Variants in MYO16 observed in about 807,000 individuals in gnomAD.
MYO16 encodes the protein myosin XVI.
A neutral mutation model predicts 205.3 loss-of-function variants in MYO16; 94 were observed. The observed-to-expected ratio is 0.46, with a 90% CI of 0.39 to 0.54. MYO16 has a LOEUF of 0.54. MYO16 is among the 20% of genes least tolerant of loss of function. The probability of loss-of-function intolerance (pLI) is 0.00; values close to 1 mark genes in which losing one functional copy is unlikely to be tolerated. For synonymous variants in MYO16, 988 were observed against 954.0 expected (o/e 1.04, Z -0.66); for missense variants, 2,315 against 2,387.5 (o/e 0.97, Z 0.63).
chr13:108,503,771 A>T, the MYO16 span, among the ~76,000 whole-genome samples: 4 of 152,290 alleles, frequency 2.6e-5, no homozygotes, highest in South Asian at 8.3e-4. Flanking sequence ...CATCACAAAT[A>T]CTTTTTAAAC....
chr13:108,658,999 T>G (rs912076437), intron 1 of MYO16, among the ~76,000 whole-genome samples: 1 of 151,968 alleles, frequency 6.6e-6, no homozygotes, highest in Admixed American at 6.6e-5. Flanking sequence ...CACAGGAAGA[T>G]TTTTATTCTA....
In MYO16 at chr13:109,023,946, T is replaced by C. The variant is rs958222932; in HGVS notation, c.2796+4035T>C. Among the ~76,000 whole-genome samples the C allele has an allele frequency of 1.5e-4, 21 of 141,600 alleles. No homozygotes were observed. In the East Asian group the frequency reaches 3.7e-3, roughly 25 times the overall value. 92.9% of individuals were successfully genotyped at this position (141,600 alleles called of 152,430 possible). A position where few individuals can be genotyped will look rare whatever the true frequency, so the allele number is the denominator to read the frequency against. On this transcript the variant is annotated intron_variant, in intron 23 of 34. Coordinates refer to ENST00000457511, the MANE Select transcript of MYO16 (RefSeq NM_001198950.3). ...TACATAAATATAAAATATGAATATATGTATATAAATATATACTATATATTT... is the reference window on the plus strand; with the variant it reads ...TACATAAATATAAAATATGAATATACGTATATAAATATATACTATATATTT...
chr13:108,853,871 G>C (rs989445921), intron 10 of MYO16, among the ~76,000 whole-genome samples: 2 of 151,692 alleles, frequency 1.3e-5, no homozygotes, highest in African/African-American at 4.8e-5. Context: ...AAAGCTTGCT[G>C]CCTGCCACCA....
the MYO16 span, among the ~76,000 whole-genome samples, chr13:108,528,442 T>C: frequency 2.6e-5 from 4 of 152,258 alleles, no homozygotes; most frequent in East Asian, 5.8e-4. Flanking sequence ...CTATCTGTTC[T>C]AAGTTAATAT....
At chr13:109,104,811 C>T (rs185797855) in intron 28 of MYO16, among the ~76,000 whole-genome samples, 23 of 152,256 alleles carry the variant, frequency 1.5e-4, no homozygotes, top group Admixed American at 1.4e-3. Flanking sequence ...CCGAGTTTTG[C>T]TCACGTGCCA....
At chr13:108,799,471 G>A (rs1886903756) in intron 6 of MYO16, among the ~76,000 whole-genome samples, 1 of 152,112 alleles carries the variant, frequency 6.6e-6, no homozygotes, top group South Asian at 2.1e-4. Context: ...TTTTAAGGTG[G>A]CATTGACCAT....
chr13:109,143,315 C>T (rs1460955151), intron 32 of MYO16, among the ~76,000 whole-genome samples: 3 of 152,122 alleles, frequency 2.0e-5, no homozygotes, highest in African/African-American at 7.2e-5. Flanking sequence ...ATAACCTTCT[C>T]CCTATTTATT....
intron 22 of MYO16, among the ~76,000 whole-genome samples, chr13:109,013,046 T>G (rs1429335201): frequency 6.6e-6 from 1 of 150,994 alleles, no homozygotes; most frequent in East Asian, 2.0e-4. Flanking sequence ...ACATGTGCCG[T>G]GTTGGTTTGC....
At chr13:108,882,931 C>T (rs1594367471) in intron 12 of MYO16, 128 bp from the exon 13 acceptor site, 7 of 1,294,944 alleles carry the variant, frequency 5.4e-6, no homozygotes, top group Non-Finnish European at 7.4e-6. Flanking sequence ...TTTTTACATA[C>T]CAATGAGATT....
chr13:108,964,958 G>A lies in MYO16; in HGVS notation c.2369+56G>A, dbSNP rs904651669. The A allele has an allele frequency of 2.3e-5, 36 of 1,556,580 alleles. No individual in the cohort carries two copies. In the Admixed American group the frequency reaches 6.6e-4, roughly 29 times the overall value. ...TCATTACTGTAATAAATAACTTAAAGGCTCAACTCCAAAAGCAGCTTCATA... is the reference window on the plus strand; with the variant it reads ...TCATTACTGTAATAAATAACTTAAAAGCTCAACTCCAAAAGCAGCTTCATA... On this transcript the variant is annotated intron_variant, in intron 20 of 34. Transcript: ENST00000457511.
chr13:109,081,116 T>C lies in MYO16; in HGVS notation c.3336-19669T>C, dbSNP rs533276506. 3.3e-5 allele frequency among the ~76,000 whole-genome samples: 5 copies of C among 152,330 alleles called. No individual in the cohort carries two copies. In the South Asian group the frequency reaches 8.3e-4, roughly 25 times the overall value. On this transcript the variant is annotated intron_variant, in intron 27 of 34. Transcript: ENST00000457511. ...CATAGACATATATATGTGAGTCTTA[T>C]ACATTCTGTCCTCAGAATTCTCATA...
intron 28 of MYO16, among the ~76,000 whole-genome samples, chr13:109,108,714 G>A (rs1889196143): frequency 1.3e-5 from 2 of 152,212 alleles, no homozygotes; most frequent in African/African-American, 4.8e-5. Context: ...GTGAACTGGA[G>A]GGTTCCTGAC....
intron 23 of MYO16, among the ~76,000 whole-genome samples, chr13:109,033,682 C>T (rs1022694488): frequency 6.6e-6 from 1 of 152,126 alleles, no homozygotes; most frequent in South Asian, 2.1e-4. Flanking sequence ...ACAAGGGATG[C>T]TGAAGTGATC....
chr13:108,918,710 G>A (rs952467016), intron 16 of MYO16, among the ~76,000 whole-genome samples: 3 of 152,166 alleles, frequency 2.0e-5, no homozygotes, highest in African/African-American at 7.2e-5. Flanking sequence ...AGGCCGAGGC[G>A]GGCAGATCAC....
At chr13:108,565,546 A>G in the MYO16 span, among the ~76,000 whole-genome samples, 1 of 152,094 alleles carries the variant, frequency 6.6e-6, no homozygotes, top group Non-Finnish European at 1.5e-5. Flanking sequence ...TCTTTACTGA[A>G]TTTGTTTATC....
intron 16 of MYO16, among the ~76,000 whole-genome samples, chr13:108,913,746 G>C (rs1428425420): frequency 1.3e-5 from 2 of 152,110 alleles, no homozygotes; most frequent in South Asian, 2.1e-4. Flanking sequence ...CCTTGTGGAC[G>C]AACTATAACC....
At chr13:109,111,053 T>C (rs893458926) in intron 28 of MYO16, among the ~76,000 whole-genome samples, 5 of 152,102 alleles carry the variant, frequency 3.3e-5, no homozygotes, top group African/African-American at 1.2e-4. Context: ...GATGAACAAA[T>C]GTGAGAAAAG....
At chr13:109,096,666 G>T (rs925359748) in intron 27 of MYO16, among the ~76,000 whole-genome samples, 2 of 152,130 alleles carry the variant, frequency 1.3e-5, no homozygotes, top group Admixed American at 1.3e-4. Flanking sequence ...CCCATTTCTT[G>T]GCTATCAGTT....
At position 108,888,447 on chromosome 13, in the gene MYO16, C is replaced by T; in HGVS notation, c.1629C>T (p.Ser543=). Reference sequence around the variant, plus strand: ...ACCTCACCTGCAGGGCTGGCGCCAGCAGGGCCACACTGGATTCCAGATTCA... The same window carrying T: ...ACCTCACCTGCAGGGCTGGCGCCAGTAGGGCCACACTGGATTCCAGATTCA... ...IRHLTCRAGA[S]RATLDSRFKH... The change falls in exon 14 of 35, where the codon AGC becomes AGT. Residue 543 remains serine (S), a synonymous_variant. Coordinates refer to ENST00000457511, the MANE Select transcript of MYO16 (RefSeq NM_001198950.3). 6.2e-7 allele frequency: 1 copy of T among 1,608,762 alleles called. No individual in the cohort carries two copies. Among genetic ancestry groups the T allele is most frequent in the Non-Finnish European group, 8.5e-7 (1 of 1,178,304 alleles).
Sources: gnomAD v4.1 joint callset for allele counts (sites outside exome capture counted in the v4.1 genomes callset) on GRCh38, gnomAD v4.1.1 for gene constraint, MANE v1.5 for transcripts, NCBI Gene and HGNC (gene_info 2026-07-23, HGNC 2026-07-21) for gene names.